Variants in DPP6 observed in about 807,000 individuals in gnomAD.
DPP6 encodes A-type potassium channel modulatory protein DPP6.
A neutral mutation model predicts 122.6 loss-of-function variants in DPP6; 69 were observed. The ratio of observed to expected loss-of-function variants is 0.56; its 90% CI spans 0.46 to 0.69. The LOEUF is 0.69. DPP6 is among the 30% of genes least tolerant of loss of function. DPP6 has a pLI of 0.00. For missense variants in DPP6, 928 were observed against 1,116.9 expected, an observed-to-expected ratio of 0.83 and a Z score of 2.41; for synonymous variants, 418 against 433.1, an observed-to-expected ratio of 0.97 and a Z score of 0.43.
chr7:154,364,529 GA>G (rs1376417064), intron 1 of DPP6, among the ~76,000 whole-genome samples: 6 of 152,322 alleles, frequency 3.9e-5, no homozygotes, highest in African/African-American at 1.4e-4. Context: ...CAAGGGGCAG[GA>G]GGTGAGGGCA....
At chr7:154,389,825 T>G (rs1190085103) in intron 1 of DPP6, among the ~76,000 whole-genome samples, 1 of 152,204 alleles carries the variant, frequency 6.6e-6, no homozygotes, top group Non-Finnish European at 1.5e-5. Context: ...CCTAAAAGGA[T>G]TAAATACCTA....
At chr7:154,180,388 T>C (rs981228522) in intron 1 of DPP6, among the ~76,000 whole-genome samples, 10 of 145,794 alleles carry the variant, frequency 6.9e-5, no homozygotes, top group Non-Finnish European at 1.0e-4. Context: ...TATATATAAA[T>C]ATATATATAT....
intron 6 of DPP6, among the ~76,000 whole-genome samples, chr7:154,645,061 G>GTT (rs538662916): frequency 3.7e-4 from 45 of 121,830 alleles, no homozygotes; most frequent in African/African-American, 8.5e-4. Flanking sequence ...TTATTTGTTG[G>GTT]TTTTTTTTTT....
In DPP6 at chr7:154,052,521, G is replaced by C. The variant is rs1038649734; in HGVS notation, c.-300G>C. 122 of 722,364 alleles carry C rather than the reference G, an allele frequency of 1.7e-4. No individual in the cohort carries two copies. Among genetic ancestry groups the C allele is most frequent in the Non-Finnish European group, 2.0e-4 (109 of 554,684 alleles). The allele number at this position is 722,364 out of a possible 1,614,324, so 44.7% of individuals were successfully genotyped here. A position where few individuals can be genotyped will look rare whatever the true frequency, so the allele number is the denominator to read the frequency against. On this transcript the variant is annotated 5_prime_UTR_variant, in exon 1 of 26. Transcript: ENST00000377770. This position sits in a 1 kb window ranked among gnomAD's most constrained non-coding sequence, Gnocchi z 4.8. ...TTAGGCCGTACGTGGCTGTGGCAAG[G>C]AGTTGGGGAAAAAAATTATAAAAAC...
chr7:154,105,485 C>A (rs1315124763), intron 1 of DPP6, among the ~76,000 whole-genome samples: 2 of 152,172 alleles, frequency 1.3e-5, no homozygotes, highest in Non-Finnish European at 2.9e-5. Context: ...CCACCACAGC[C>A]CTGTTTGAGG....
At chr7:154,782,972 C>T (rs758673430) in intron 10 of DPP6, among the ~76,000 whole-genome samples, 6 of 152,030 alleles carry the variant, frequency 3.9e-5, no homozygotes, top group East Asian at 1.9e-4. Flanking sequence ...TTAGTAGAGA[C>T]GGGGTTCCAC....
intron 1 of DPP6, among the ~76,000 whole-genome samples, chr7:153,912,656 G>A (rs919001209): frequency 1.3e-5 from 2 of 152,156 alleles, no homozygotes; most frequent in Non-Finnish European, 1.5e-5. Flanking sequence ...TAAAATAGGG[G>A]CAATCTTCCT....
chr7:154,784,675 G>A (rs984581252), intron 10 of DPP6, among the ~76,000 whole-genome samples: 22 of 152,186 alleles, frequency 1.4e-4, no homozygotes, highest in East Asian at 3.9e-4. Flanking sequence ...CACCATGCCC[G>A]TCACAATCAG....
chr7:154,525,033 T>G (rs188516896), intron 3 of DPP6, among the ~76,000 whole-genome samples: 1 of 152,272 alleles, frequency 6.6e-6, no homozygotes, highest in East Asian at 1.9e-4. Flanking sequence ...TTCTAGCCCG[T>G]TTTCATGGAC....
intron 1 of DPP6, among the ~76,000 whole-genome samples, chr7:153,956,761 C>T (rs1177850804): frequency 6.6e-6 from 1 of 152,150 alleles, no homozygotes; most frequent in Non-Finnish European, 1.5e-5. Flanking sequence ...TCAGCTAATC[C>T]CAGCCTCAGC....
chr7:154,794,146 G>T lies in DPP6; in HGVS notation c.1204G>T (p.Ala402Ser), dbSNP rs146713592. ...GGTCGCCGTGACCTGGCTGAACCGG[G>T]CGCAGAACGTGTCCATCCTCACCCT... Reference protein sequence around the residue: ...TKVAVTWLNRAQNVSILTLCD... With the variant: ...TKVAVTWLNRSQNVSILTLCD... The change falls in exon 11 of 26, where the codon GCG (alanine) becomes TCG (serine). Residue 402 changes from alanine to serine, a missense_variant. Physicochemically the swap from Ala to Ser is moderately conservative, Grantham distance 99. Coordinates refer to ENST00000377770, the MANE Select transcript of DPP6 (RefSeq NM_130797.4). The T allele has an allele frequency of 3.7e-6, 6 of 1,613,294 alleles. No homozygotes were observed. The highest frequency in any genetic ancestry group is 4.2e-6 in the Non-Finnish European group (5 of 1,179,610).
At chr7:154,572,628 T>C (rs1253856320) in intron 5 of DPP6, among the ~76,000 whole-genome samples, 2 of 143,668 alleles carry the variant, frequency 1.4e-5, no homozygotes, top group Non-Finnish European at 3.0e-5. Context: ...GAGATTCTCC[T>C]ACCTCAGCCT....
In DPP6 at chr7:153,960,766, A is replaced by G. The variant is rs1211775011; in HGVS notation, c.51+73032A>G. On this transcript the variant is annotated intron_variant, in intron 1 of 25. Transcript: ENST00000404039. ...GTGTGATTTCTCCAGGTGCCCTCAT[A>G]CTGTGTGGGGACAATGAGTTGATTG... Among the ~76,000 whole-genome samples, 3 of 148,868 alleles carry G rather than the reference A, an allele frequency of 2.0e-5. No individual in the cohort carries two copies. The East Asian group carries it at 6.1e-4, about 30-fold the overall frequency.
chr7:153,788,218 T>C, the DPP6 span, among the ~76,000 whole-genome samples: 2 of 152,226 alleles, frequency 1.3e-5, no homozygotes, highest in African/African-American at 4.8e-5. Context: ...TTGGGACACA[T>C]CCAGCCATGT....
chr7:154,411,411 T>G (rs1360684529), intron 1 of DPP6, among the ~76,000 whole-genome samples: 14 of 152,146 alleles, frequency 9.2e-5, no homozygotes, highest in Non-Finnish European at 1.9e-4. Flanking sequence ...AGCTAATTTT[T>G]TATATTTTTA....
chr7:154,793,663 C>A (rs947754672), intron 10 of DPP6: 3 of 155,398 alleles, frequency 1.9e-5, no homozygotes, highest in African/African-American at 7.2e-5. Context: ...AGCCCTTTTC[C>A]GGTTCTTTCT....
At chr7:154,005,609 G>A (rs1415289299) in intron 1 of DPP6, among the ~76,000 whole-genome samples, 1 of 151,564 alleles carries the variant, frequency 6.6e-6, no homozygotes, top group Non-Finnish European at 1.5e-5. Flanking sequence ...GACCACAGCA[G>A]GGAGCTGGCC....
intron 7 of DPP6, among the ~76,000 whole-genome samples, chr7:154,699,527 G>T (rs372859461): frequency 6.6e-6 from 1 of 152,218 alleles, no homozygotes; most frequent in South Asian, 2.1e-4. Context: ...TAAAGGCCCC[G>T]TGGCCCAGCC....
intron 1 of DPP6, among the ~76,000 whole-genome samples, chr7:154,323,979 A>T (rs943790876): frequency 2.6e-5 from 4 of 152,244 alleles, no homozygotes; most frequent in African/African-American, 9.6e-5. Flanking sequence ...TAAAATACAC[A>T]TATACGCAGA....
Sources: gnomAD v4.1 joint callset for allele counts (sites outside exome capture counted in the v4.1 genomes callset) on GRCh38, gnomAD v4.1.1 for gene constraint, Gnocchi (gnomAD v3.1) non-coding constraint, MANE v1.5 for transcripts, NCBI Gene and HGNC (gene_info 2026-07-23, HGNC 2026-07-21) for gene names.